Variants in GCN1 observed in about 807,000 individuals in gnomAD.
GCN1 encodes the protein GCN1 activator of EIF2AK4, also known as stalled ribosome sensor GCN1.
A neutral mutation model predicts 288.4 loss-of-function variants in GCN1; 90 were observed. The ratio of observed to expected loss-of-function variants is 0.31; its 90% CI spans 0.26 to 0.37. The LOEUF (loss-of-function observed/expected upper bound fraction) is 0.37. Ranked by LOEUF, GCN1 falls within the 10% of genes least tolerant of loss-of-function variation. The pLI, the probability that GCN1 is intolerant of heterozygous loss-of-function variation, is 1.00. For synonymous variants in GCN1, 1,386 were observed against 1,420.2 expected, an observed-to-expected ratio of 0.98 and a Z score of 0.54; for missense variants, 2,586 against 3,419.9, an observed-to-expected ratio of 0.76 and a Z score of 6.08.
chr12:120,173,748 T>C lies in GCN1; in HGVS notation c.1271A>G (p.Lys424Arg). ...CNRFTMEVPK[K>R]LTEWFKKAFS... The stretch of plus-strand genomic sequence containing the variant: ...AGCTTTTTTGAACCATTCAGTGAGC[T>C]TCTTGGGCACTTCCATAGTGAATCG... Residue 424 changes from lysine (K) to arginine (R), a missense_variant, in exon 14 of 58, where the codon AAG becomes AGG. Physicochemically the swap from Lys to Arg is conservative, Grantham distance 26. Around this residue, in one of 8 missense-constraint regions of GCN1, gnomAD observed 913 missense variants for 1,107.0 expected, o/e 0.82. Transcript: ENST00000300648. 1.9e-6 allele frequency: 3 copies of C among 1,613,100 alleles called. No homozygotes were observed. Among genetic ancestry groups the C allele is most frequent in the African/African-American group, 1.3e-5 (1 of 75,022 alleles).
chr12:120,183,228 T>C (rs1312287925), intron 5 of GCN1, among the ~76,000 whole-genome samples: 1 of 152,196 alleles, frequency 6.6e-6, no homozygotes, highest in Admixed American at 6.5e-5. Flanking sequence ...TACACTATGA[T>C]ATTTTCTAGT....
At position 120,142,931 on chromosome 12, in the gene GCN1, C is replaced by A. The variant is rs752654250; in HGVS notation, c.5506G>T (p.Val1836Phe). The change falls in exon 43 of 58, where the codon GTT (valine) becomes TTT (phenylalanine). Residue 1836 changes from valine to phenylalanine, a missense_variant. Transcript: ENST00000300648. The surrounding 1 kb of genome is among the most constrained non-coding windows in gnomAD (Gnocchi z 4.9). ...DDLWRIRFSS[V>F]QLLGDLLFHI... ...AACAGGAGATCCCCAAGGAGCTGAACAGAGCTGAACCTGAGAAGGAGGCCA... is the reference window on the plus strand; with the variant it reads ...AACAGGAGATCCCCAAGGAGCTGAAAAGAGCTGAACCTGAGAAGGAGGCCA... 4 of 1,609,210 alleles carry A rather than the reference C, an allele frequency of 2.5e-6. No homozygotes were observed. The highest frequency in any genetic ancestry group is 3.4e-6 in the Non-Finnish European group (4 of 1,175,644).
At chr12:120,161,808 G>A in intron 21 of GCN1, 72 bp downstream of exon 21, 1 of 1,433,756 alleles carries the variant, frequency 7.0e-7, no homozygotes, top group Non-Finnish European at 9.7e-7. Context: ...AGGAGGCACT[G>A]GCTCCATTCT....
intron 1 of GCN1, among the ~76,000 whole-genome samples, chr12:120,193,635 T>C (rs923724924): frequency 2.6e-5 from 4 of 152,182 alleles, no homozygotes; most frequent in Admixed American, 6.6e-5. Flanking sequence ...AATTTAATTT[T>C]AACAAACTTA....
intron 21 of GCN1, 69 bp from the exon 22 acceptor site, chr12:120,161,652 C>A: frequency 8.6e-7 from 1 of 1,160,754 alleles, no homozygotes; most frequent in South Asian, 1.2e-5. Flanking sequence ...TCCCGCCAGC[C>A]ATGCAATTCC....
intron 57 of GCN1, among the ~76,000 whole-genome samples, chr12:120,128,381 G>A (rs1876688674): frequency 6.6e-6 from 1 of 150,850 alleles, no homozygotes; most frequent in Non-Finnish European, 1.5e-5. Flanking sequence ...TGTCGCCCAT[G>A]CTGGAGTGCA....
At position 120,179,690 on chromosome 12, in the gene GCN1, C is replaced by T. The variant is rs956438931; in HGVS notation, c.427-740G>A. Among the ~76,000 whole-genome samples the T allele has an allele frequency of 6.6e-5, 10 of 152,018 alleles. No individual in the cohort carries two copies. In the East Asian group the frequency reaches 7.8e-4, roughly 12 times the overall value. On this transcript the variant is annotated intron_variant, in intron 5 of 57. Transcript: ENST00000300648. ...CTGGGATTACAGGCGTGAGCCACTGCGCCCAGCCGGTCCCTGCTTTCATGT... is the reference window on the plus strand; with the variant it reads ...CTGGGATTACAGGCGTGAGCCACTGTGCCCAGCCGGTCCCTGCTTTCATGT...
In GCN1 at chr12:120,160,130, G is replaced by T; in HGVS notation, c.2550+12C>A. 1 of 1,602,382 alleles carries T rather than the reference G, an allele frequency of 6.2e-7. No homozygotes were observed. The highest frequency in any genetic ancestry group is 8.5e-7 in the Non-Finnish European group (1 of 1,169,962). ...CTTCCGGCTTGAGCATGTGGCGGAG[G>T]TGGCCACTCACCTCCTGCAGCCGCC... On this transcript the variant is annotated intron_variant, in intron 23 of 57. Coordinates refer to ENST00000300648, the MANE Select transcript of GCN1 (RefSeq NM_006836.2).
chr12:120,176,267 A>C, intron 9 of GCN1, 50 bp from the exon 10 acceptor site: 1 of 1,258,952 alleles, frequency 7.9e-7, no homozygotes, highest in Non-Finnish European at 1.2e-6. Context: ...AATAAATTCA[A>C]CAGATAATTT....
In GCN1 at chr12:120,155,636, C is replaced by T; in HGVS notation, c.3396G>A (p.Val1132=). 1.3e-5 allele frequency: 21 copies of T among 1,614,088 alleles called. No homozygotes were observed. Among genetic ancestry groups the T allele is most frequent in the African/African-American group, 1.1e-4 (8 of 75,038 alleles). ...TCTCCTCCTCCTTGTCAAACTTGACCACCCAGAGTCTCCGCAGAAGGTTCA... is the reference window on the plus strand; with the variant it reads ...TCTCCTCCTCCTTGTCAAACTTGACTACCCAGAGTCTCCGCAGAAGGTTCA... ...NGLNLLRRLW[V]VKFDKEEEIR... Residue 1132 remains valine (V), a synonymous_variant, in exon 29 of 58, where the codon GTG becomes GTA. Coordinates refer to ENST00000300648, the MANE Select transcript of GCN1 (RefSeq NM_006836.2). The surrounding 1 kb of genome is among the most constrained non-coding windows in gnomAD (Gnocchi z 4.9).
chr12:120,151,033 G>C (rs1442612766), intron 34 of GCN1, 112 bp downstream of exon 34: 4 of 1,200,422 alleles, frequency 3.3e-6, no homozygotes, highest in Non-Finnish European at 4.8e-6. Context: ...GCCCTCTGTA[G>C]TACACGCACA....
chr12:120,148,019 C>T, intron 37 of GCN1, 148 bp downstream of exon 37: 2 of 619,938 alleles, frequency 3.2e-6, no homozygotes, highest in Non-Finnish European at 5.7e-6. Context: ...TGCTCCTGAG[C>T]CAATGACTCA....
At chr12:120,163,850 C>T (rs1280403829) in intron 18 of GCN1, among the ~76,000 whole-genome samples, 7 of 152,154 alleles carry the variant, frequency 4.6e-5, no homozygotes, top group African/African-American at 1.4e-4. Context: ...GGGGAGGGCA[C>T]GGTGGCTCGT....
intron 33 of GCN1, 116 bp from the exon 34 acceptor site, chr12:120,151,507 G>A: frequency 9.5e-7 from 1 of 1,055,452 alleles, no homozygotes. Context: ...CCCCATCTCA[G>A]CCACTGCCTG....
chr12:120,127,774 G>C lies in GCN1; in HGVS notation c.*75C>G. 2 of 1,526,344 alleles carry C rather than the reference G, an allele frequency of 1.3e-6. No homozygotes were observed. Among genetic ancestry groups the C allele is most frequent in the Non-Finnish European group, 9.0e-7 (1 of 1,111,010 alleles). 94.6% of individuals were successfully genotyped at this position (1,526,344 alleles called of 1,614,324 possible). A position where few individuals can be genotyped will look rare whatever the true frequency, so the allele number is the denominator to read the frequency against. On this transcript the variant is annotated 3_prime_UTR_variant, in exon 58 of 58. Coordinates refer to ENST00000300648, the MANE Select transcript of GCN1 (RefSeq NM_006836.2). ...ACGCCATCTTCCAAGCTCCCCATTG[G>C]AACAAATGTATTTTCAAAAATGAAA...
In GCN1 at chr12:120,155,696, T is replaced by C. The variant is rs745937520; in HGVS notation, c.3336A>G (p.Val1112=). Residue 1112 remains valine (V), a synonymous_variant, in exon 29 of 58, where the codon GTA becomes GTG. Transcript: ENST00000300648. The surrounding 1 kb of genome is among the most constrained non-coding windows in gnomAD (Gnocchi z 4.9). ...TCTCATCAGTATCAGGTGCTGGCAA[T>C]ACCATGTGGAGTTCCATCAGCCCCT... ...VLRGLMELHM[V]LPAPDTDEKN... 1.3e-5 allele frequency: 21 copies of C among 1,613,966 alleles called. 1 individual carries two copies. The South Asian group carries it at 2.2e-4, about 17-fold the overall frequency.
chr12:120,142,687 G>A lies in GCN1; in HGVS notation c.5649C>T (p.Asn1883=). The part of the protein sequence containing the change: ...IITALGVERR[N]RVLAGLYMGR... Reference sequence around the variant, plus strand: ...CCATGTACAGCCCTGCCAACACCCGGTTCCGCCGCTCTACCCCCAGGGCAG... The same window carrying A: ...CCATGTACAGCCCTGCCAACACCCGATTCCGCCGCTCTACCCCCAGGGCAG... Residue 1883 remains asparagine (N), a synonymous_variant, in exon 44 of 58, where the codon AAC becomes AAT. Coordinates refer to ENST00000300648, the MANE Select transcript of GCN1 (RefSeq NM_006836.2). This position sits in a 1 kb window ranked among gnomAD's most constrained non-coding sequence, Gnocchi z 4.9. The A allele has an allele frequency of 6.2e-7, 1 of 1,614,080 alleles. No individual in the cohort carries two copies. The highest frequency in any genetic ancestry group is 8.5e-7 in the Non-Finnish European group (1 of 1,180,038).
chr12:120,158,268 G>A lies in GCN1; in HGVS notation c.2905+192C>T, dbSNP rs369691251. Among the ~76,000 whole-genome samples the A allele has an allele frequency of 9.8e-5, 15 of 152,304 alleles. No individual in the cohort carries two copies. The East Asian group carries it at 2.9e-3, about 29-fold the overall frequency. On this transcript the variant is annotated intron_variant, in intron 25 of 57. Transcript: ENST00000300648. The surrounding 1 kb of genome is among the most constrained non-coding windows in gnomAD (Gnocchi z 4.3). ...ATGTGAGAGTTAAAACAGAGATGGGGACACCAGTGACAAAAAGTAAACCCT... is the reference window on the plus strand; with the variant it reads ...ATGTGAGAGTTAAAACAGAGATGGGAACACCAGTGACAAAAAGTAAACCCT...
chr12:120,150,185 C>G, intron 34 of GCN1, 142 bp from the exon 35 acceptor site: 1 of 739,854 alleles, frequency 1.4e-6, no homozygotes, highest in South Asian at 1.8e-5. Context: ...GTAGATGCCC[C>G]ATGAGGAGGC....
Sources: gnomAD v4.1 joint callset for allele counts (sites outside exome capture counted in the v4.1 genomes callset) on GRCh38, gnomAD v4.1.1 for gene constraint, gnomAD v4.1.1 regional missense constraint, Gnocchi (gnomAD v3.1) non-coding constraint, MANE v1.5 for transcripts, NCBI Gene and HGNC (gene_info 2026-07-23, HGNC 2026-07-21) for gene names.